The following EFCAB10 variants were observed in gnomAD, a reference collection of about 807,000 sequenced individuals.
EFCAB10 encodes the protein EF-hand calcium binding domain 10.
In EFCAB10, 7 loss-of-function variants were observed where a neutral mutation model predicts 7.7. The observed-to-expected ratio is 0.91, with a 90% CI of 0.52 to 1.72. The LOEUF (loss-of-function observed/expected upper bound fraction) is 1.72. Ranked by LOEUF, EFCAB10 falls within the 40% of genes most tolerant of loss-of-function variation. The pLI, the probability that EFCAB10 is intolerant of heterozygous loss-of-function variation, is 0.00. For missense variants in EFCAB10, 112 were observed against 61.5 expected, an observed-to-expected ratio of 1.82 and a Z score of -2.74; for synonymous variants, 52 against 21.0, an observed-to-expected ratio of 2.47 and a Z score of -4.03.
chr7:105,581,397 C>T lies in EFCAB10; in HGVS notation c.67G>A (p.Val23Ile), dbSNP rs1023989895. 1.4e-6 allele frequency: 1 copy of T among 702,938 alleles called. No homozygotes were observed. The highest frequency in any genetic ancestry group is 1.7e-5 in the African/African-American group (1 of 57,266). The allele number at this position is 702,938 out of a possible 1,614,324, so 43.5% of individuals were successfully genotyped here. A position where few individuals can be genotyped will look rare whatever the true frequency, so the allele number is the denominator to read the frequency against. ...YLEKHQIKEV[V>I]SYLTSALLFF... Reference sequence around the variant, plus strand: ...AGGAGGGCGCTGGTGAGGTAGCTAACCACCTCCTTGATCTGATGCTTTTCC... The same window carrying T: ...AGGAGGGCGCTGGTGAGGTAGCTAATCACCTCCTTGATCTGATGCTTTTCC... The change falls in exon 1 of 5, where the codon GTT becomes ATT. Residue 23 changes from valine to isoleucine, a missense_variant. Physicochemically the swap from Val to Ile is conservative, Grantham distance 29 (BLOSUM62 3). Transcript: ENST00000480514.
intron 1 of EFCAB10, 33 bp from the exon 2 acceptor site, chr7:105,569,604 C>G (rs915683781): frequency 1.5e-6 from 1 of 676,486 alleles, no homozygotes; most frequent in East Asian, 2.7e-5. Flanking sequence ...CTTTCTGATA[C>G]GAAATTAAAA....
chr7:105,580,620 C>T (rs1312224127), intron 1 of EFCAB10, among the ~76,000 whole-genome samples: 1 of 151,870 alleles, frequency 6.6e-6, no homozygotes. Flanking sequence ...GTCTCCTATA[C>T]ATGATATTGG....
At chr7:105,574,891 T>A (rs1486911018) in intron 1 of EFCAB10, among the ~76,000 whole-genome samples, 5 of 143,624 alleles carry the variant, frequency 3.5e-5, no homozygotes, top group African/African-American at 1.3e-4. Flanking sequence ...AGGTCAGGAG[T>A]TCAAGACCAG....
chr7:105,566,183 CAGG>C (rs1319931580), intron 4 of EFCAB10: 2 of 148,468 alleles, frequency 1.3e-5, no homozygotes, highest in Non-Finnish European at 3.0e-5. Context: ...GAGGCTGAGG[CAGG>C]AGAATGATGT....
intron 1 of EFCAB10, among the ~76,000 whole-genome samples, chr7:105,575,394 T>C (rs959716074): frequency 1.3e-5 from 2 of 152,112 alleles, no homozygotes; most frequent in Admixed American, 1.3e-4. Flanking sequence ...CTGCAACCTT[T>C]GCCTCCCAGG....
chr7:105,574,262 T>TAC (rs1491141509), intron 1 of EFCAB10, among the ~76,000 whole-genome samples: 16 of 150,088 alleles, frequency 1.1e-4, no homozygotes, highest in African/African-American at 1.7e-4. Flanking sequence ...TATATATATA[T>TAC]ACATATACAC....
chr7:105,578,273 A>G (rs1792137195), intron 1 of EFCAB10, among the ~76,000 whole-genome samples: 1 of 152,206 alleles, frequency 6.6e-6, no homozygotes, highest in Admixed American at 6.5e-5. Context: ...AAGACAGGAA[A>G]TGTAAGTATA....
At position 105,578,963 on chromosome 7, in the gene EFCAB10, G is replaced by A. The variant is rs184198747; in HGVS notation, c.106+2395C>T. Among the ~76,000 whole-genome samples the A allele has an allele frequency of 1.7e-3, 264 of 152,226 alleles. 2 individuals are homozygous for A. Among genetic ancestry groups the A allele is most frequent in the African/African-American group, 6.1e-3 (254 of 41,508 alleles). On this transcript the variant is annotated intron_variant, in intron 1 of 4. Coordinates refer to ENST00000480514, the MANE Select transcript of EFCAB10 (RefSeq NM_001355526.2). ...AATTTTTGTATTTTTAGTAGAGATG[G>A]GGTTTCACCATGTTGGCCAGGCTGG...
At chr7:105,580,936 T>C (rs1023571453) in intron 1 of EFCAB10, among the ~76,000 whole-genome samples, 11 of 152,306 alleles carry the variant, frequency 7.2e-5, no homozygotes, top group Admixed American at 2.0e-4. Context: ...ATTAAAAACT[T>C]TGGCCGTGCG....
intron 1 of EFCAB10, among the ~76,000 whole-genome samples, chr7:105,574,592 C>T (rs928991037): frequency 6.6e-6 from 1 of 151,988 alleles, no homozygotes; most frequent in Admixed American, 6.6e-5. Flanking sequence ...TCATGCCATT[C>T]TCCTGCCTCA....
intron 4 of EFCAB10, 138 bp downstream of exon 4, chr7:105,567,329 T>G: frequency 1.3e-6 from 2 of 1,544,018 alleles, no homozygotes; most frequent in Non-Finnish European, 1.8e-6. Context: ...CAGAAAAAGG[T>G]TTCTTTGGTT....
rs974048288 is a variant in EFCAB10, at chr7:105,569,286, T to C, written c.276A>G (p.Leu92=). The C allele has an allele frequency of 1.4e-6, 1 of 701,100 alleles. No individual in the cohort carries two copies. Among genetic ancestry groups the C allele is most frequent in the African/African-American group, 1.7e-5 (1 of 57,180 alleles). 43.4% of individuals were successfully genotyped at this position (701,100 alleles called of 1,614,324 possible). A position where few individuals can be genotyped will look rare whatever the true frequency, so the allele number is the denominator to read the frequency against. Residue 92 remains leucine (L), a synonymous_variant, in exon 3 of 5, where the codon CTA becomes CTG. Coordinates refer to ENST00000480514, the MANE Select transcript of EFCAB10 (RefSeq NM_001355526.2). ...CTTCAGTGCATAGACCCAGGGTTTT[T>C]AGGGCTGTAAAATAATGAGAAGAAA... ...TISFVQYKEA[L]KTLGLCTEDE... is the part of the protein sequence containing the mutation.
At position 105,577,297 on chromosome 7, in the gene EFCAB10, T is replaced by G. The variant is rs112625779; in HGVS notation, c.106+4061A>C. 6.2e-3 allele frequency among the ~76,000 whole-genome samples: 939 copies of G among 152,222 alleles called. 10 individuals are homozygous for G. Among genetic ancestry groups the G allele is most frequent in the African/African-American group, 0.022 (904 of 41,528 alleles). ...AAAGAATCTTCAAGATGCTAAATTG[T>G]TTGACATAATAAAGAGCTGAGAAAA... On this transcript the variant is annotated intron_variant, in intron 1 of 4. Coordinates refer to ENST00000480514, the MANE Select transcript of EFCAB10 (RefSeq NM_001355526.2).
Position 105,569,543 on chromosome 7 carries a change from TAGAG to T in EFCAB10, c.131_134del (p.Ser44TyrfsTer5). 1 of 698,122 alleles carries T rather than the reference TAGAG, an allele frequency of 1.4e-6. No homozygotes were observed. 43.2% of individuals were successfully genotyped at this position (698,122 alleles called of 1,614,324 possible). ...CTTTTGCAATTCTCAGTCGTTCCAA[TAGAG>T]ATATTAAATATTCTTTTGGTTTTTC... On this transcript the variant is annotated frameshift_variant, in exon 2 of 5. Coordinates refer to ENST00000480514, the MANE Select transcript of EFCAB10 (RefSeq NM_001355526.2). LOFTEE classifies it high-confidence loss of function.
At chr7:105,568,196 TTTA>T (rs970378144) in intron 3 of EFCAB10, among the ~76,000 whole-genome samples, 4 of 152,140 alleles carry the variant, frequency 2.6e-5, no homozygotes, top group African/African-American at 9.7e-5. Flanking sequence ...ATTAAACATT[TTTA>T]TTATTTATGT....
intron 1 of EFCAB10, among the ~76,000 whole-genome samples, chr7:105,575,286 T>A (rs1792050320): frequency 6.6e-6 from 1 of 152,078 alleles, no homozygotes; most frequent in East Asian, 1.9e-4. Flanking sequence ...AACTATATCA[T>A]ATACATAAAT....
At chr7:105,577,225 T>A (rs377710054) in intron 1 of EFCAB10, among the ~76,000 whole-genome samples, 41 of 152,322 alleles carry the variant, frequency 2.7e-4, no homozygotes, top group African/African-American at 9.6e-4. Flanking sequence ...TACTGGAAAA[T>A]TCTGGTTTTG....
At chr7:105,581,249 G>T in intron 1 of EFCAB10, 109 bp downstream of exon 1, 1 of 648,624 alleles carries the variant, frequency 1.5e-6, no homozygotes, top group South Asian at 1.7e-5. Flanking sequence ...CAGCAGAAGG[G>T]CTCACGTGGC....
At chr7:105,575,980 T>C (rs1013857374) in intron 1 of EFCAB10, among the ~76,000 whole-genome samples, 11 of 152,094 alleles carry the variant, frequency 7.2e-5, no homozygotes, top group Non-Finnish European at 1.6e-4. Context: ...GAGGTTGCAG[T>C]GAGCTGAGAT....
Sources: gnomAD v4.1 joint callset for allele counts (sites outside exome capture counted in the v4.1 genomes callset) on GRCh38, gnomAD v4.1.1 for gene constraint, MANE v1.5 for transcripts, NCBI Gene and HGNC (gene_info 2026-07-23, HGNC 2026-07-21) for gene names.